Variants in RALGAPA1 observed in about 807,000 individuals in gnomAD.
RALGAPA1 encodes the protein ral GTPase-activating protein subunit alpha-1.
In RALGAPA1, 52 loss-of-function variants were observed where a neutral mutation model predicts 269.6. That is an observed-to-expected ratio of 0.19 (90% confidence interval 0.15 to 0.24). The LOEUF (loss-of-function observed/expected upper bound fraction) is 0.24. Ranked by LOEUF, RALGAPA1 falls within the 10% of genes least tolerant of loss-of-function variation. The pLI, the probability that RALGAPA1 is intolerant of heterozygous loss-of-function variation, is 1.00. For synonymous variants in RALGAPA1, 817 were observed against 1,008.3 expected (o/e 0.81, Z 3.60); for missense variants, 1,917 against 3,013.9 (o/e 0.64, Z 8.52).
intron 36 of RALGAPA1, among the ~76,000 whole-genome samples, chr14:35,599,310 A>G (rs1027096039): frequency 6.6e-6 from 1 of 152,134 alleles, no homozygotes; most frequent in Non-Finnish European, 1.5e-5. Flanking sequence ...TCCTCCTTTT[A>G]TCATTTCCTT....
rs116086419 is a variant in RALGAPA1 at position 35,726,932 on chromosome 14, G to A, written c.1736+1430C>T. Among the ~76,000 whole-genome samples the A allele has an allele frequency of 4.2e-3, 636 of 152,204 alleles. 11 individuals carry two copies. Among genetic ancestry groups the A allele is most frequent in the African/African-American group, 0.014 (600 of 41,528 alleles). ...GTTACTTAACTTCCCAGTATTATCTGTATCATAGGGTGCTGTAAGAATTAA... is the reference window on the plus strand; with the variant it reads ...GTTACTTAACTTCCCAGTATTATCTATATCATAGGGTGCTGTAAGAATTAA... On this transcript the variant is annotated intron_variant, in intron 13 of 41. Coordinates refer to ENST00000680220, the MANE Select transcript of RALGAPA1 (RefSeq NM_001346249.2).
intron 25 of RALGAPA1, 132 bp downstream of exon 25, chr14:35,672,735 T>C (rs1332813598): frequency 1.2e-6 from 1 of 819,520 alleles, no homozygotes; most frequent in South Asian, 3.2e-5. Context: ...TTGAAGTAAA[T>C]TGTATATAAA....
chr14:35,708,860 A>G (rs1179592438), intron 16 of RALGAPA1, among the ~76,000 whole-genome samples: 1 of 152,212 alleles, frequency 6.6e-6, no homozygotes, highest in East Asian at 1.9e-4. Context: ...GTCCATCAAC[A>G]CATGAACAGA....
intron 39 of RALGAPA1, among the ~76,000 whole-genome samples, chr14:35,567,532 G>A (rs1201635896): frequency 6.6e-6 from 1 of 151,932 alleles, no homozygotes; most frequent in Non-Finnish European, 1.5e-5. Flanking sequence ...CTGTGACTTG[G>A]CCAAGATCAC....
At chr14:35,626,989 T>C in intron 34 of RALGAPA1, 101 bp downstream of exon 34, 3 of 1,200,502 alleles carry the variant, frequency 2.5e-6, no homozygotes, top group South Asian at 2.3e-5. Flanking sequence ...AATTGGTAGA[T>C]AAAATTTAGT....
intron 37 of RALGAPA1, among the ~76,000 whole-genome samples, chr14:35,588,253 T>C (rs192265465): frequency 6.6e-6 from 1 of 152,336 alleles, no homozygotes; most frequent in African/African-American, 2.4e-5. Flanking sequence ...GGTGCTATCA[T>C]GCCTAAAATT....
At chr14:35,593,771 C>T (rs965765593) in intron 37 of RALGAPA1, among the ~76,000 whole-genome samples, 1 of 152,052 alleles carries the variant, frequency 6.6e-6, no homozygotes, top group Non-Finnish European at 1.5e-5. Context: ...GGGAGAATCA[C>T]TTGAGCCCAG....
chr14:35,576,361 T>C (rs907979213), intron 37 of RALGAPA1, among the ~76,000 whole-genome samples: 5 of 152,340 alleles, frequency 3.3e-5, no homozygotes, highest in African/African-American at 9.6e-5. Context: ...TACAATTGAC[T>C]GCTAGAACTA....
At position 35,688,483 on chromosome 14, in the gene RALGAPA1, C is replaced by T. The variant is rs766763174; in HGVS notation, c.3928G>A (p.Gly1310Ser). 9.8e-6 allele frequency: 15 copies of T among 1,535,982 alleles called. No individual in the cohort carries two copies. Among genetic ancestry groups the T allele is most frequent in the Admixed American group, 7.8e-5 (4 of 50,968 alleles). Residue 1310 changes from glycine (G) to serine (S), a missense_variant, in exon 18 of 42, where the codon GGC (glycine) becomes AGC (serine). Physicochemically the swap from Gly to Ser is moderately conservative, Grantham distance 56 (BLOSUM62 0). This residue lies in a region of RALGAPA1 where 615 missense variants were observed against 790.0 expected (regional missense o/e 0.78). Transcript: ENST00000680220. ...PLRDLYSHVMGYFGRKAAVNK... is the reference protein window; with the variant it reads ...PLRDLYSHVMSYFGRKAAVNK... The stretch of plus-strand genomic sequence containing the variant: ...CCTGCAGCTTTCCTTCCAAAATAGC[C>T]CATTACATGACTGTACAGATCCCTC...
At chr14:35,791,011 G>A (rs767692216) in intron 1 of RALGAPA1, among the ~76,000 whole-genome samples, 3 of 152,158 alleles carry the variant, frequency 2.0e-5, no homozygotes, top group Non-Finnish European at 4.4e-5. Flanking sequence ...AGGTACTGAA[G>A]TCCTTGATAA....
intron 36 of RALGAPA1, among the ~76,000 whole-genome samples, chr14:35,604,121 AATT>A (rs1215576321): frequency 8.5e-5 from 13 of 152,140 alleles, no homozygotes; most frequent in African/African-American, 3.1e-4. Flanking sequence ...AAATATGTAC[AATT>A]ATTATGTAGC....
chr14:35,642,851 A>T (rs1319683957), intron 31 of RALGAPA1, among the ~76,000 whole-genome samples: 1 of 152,232 alleles, frequency 6.6e-6, no homozygotes, highest in African/African-American at 2.4e-5. Flanking sequence ...CCAAAGGATT[A>T]TAAGTCATGC....
Position 35,671,468 on chromosome 14 carries a change from A to C in RALGAPA1, c.5123T>G (p.Leu1708Arg). The change falls in exon 26 of 42, where the codon CTT becomes CGT. Residue 1708 changes from leucine (L) to arginine (R), a missense_variant. Physicochemically the swap from Leu to Arg is moderately radical, Grantham distance 102. Around this residue, in one of 11 missense-constraint regions of RALGAPA1, gnomAD observed 346 missense variants for 566.1 expected, o/e 0.61. Transcript: ENST00000680220. ...IKHCSPQFFS[L>R]GLPGATMLIM... ...AAGCATTGTGGCACCAGGCAAACCA[A>C]GTGAAAAAAATTGAGGTGAGCAGTG... The C allele has an allele frequency of 6.2e-7, 1 of 1,605,162 alleles. No individual in the cohort carries two copies. The highest frequency in any genetic ancestry group is 1.1e-5 in the South Asian group (1 of 90,830).
chr14:35,680,180 T>C (rs2065298709), intron 21 of RALGAPA1, among the ~76,000 whole-genome samples: 2 of 152,192 alleles, frequency 1.3e-5, no homozygotes, highest in Admixed American at 6.5e-5. Context: ...AAAAATCGAA[T>C]TCATTTTTAA....
intron 20 of RALGAPA1, among the ~76,000 whole-genome samples, chr14:35,684,390 T>C (rs2065738748): frequency 6.6e-6 from 1 of 152,232 alleles, no homozygotes; most frequent in African/African-American, 2.4e-5. Flanking sequence ...AAGGAAGTTC[T>C]GGGTACTGTA....
At chr14:35,556,682 A>G (rs2055636340) in intron 39 of RALGAPA1, among the ~76,000 whole-genome samples, 1 of 152,210 alleles carries the variant, frequency 6.6e-6, no homozygotes, top group African/African-American at 2.4e-5. Context: ...GCTTTAATCC[A>G]TCCTTTTAAC....
At chr14:35,634,413 A>C (rs373980986) in intron 33 of RALGAPA1, among the ~76,000 whole-genome samples, 161 bp downstream of exon 33, 2 of 152,342 alleles carry the variant, frequency 1.3e-5, no homozygotes, top group Non-Finnish European at 1.5e-5. Context: ...GTGCATGTGA[A>C]GTTATTTCTT....
intron 1 of RALGAPA1, among the ~76,000 whole-genome samples, chr14:35,798,777 G>C (rs2076756502): frequency 6.6e-6 from 1 of 152,146 alleles, no homozygotes; most frequent in African/African-American, 2.4e-5. Context: ...ATCACTTGGG[G>C]CCAGGAGTTC....
intron 30 of RALGAPA1, among the ~76,000 whole-genome samples, chr14:35,652,383 T>TATATATATATATATATATATAC (rs968163110): frequency 6.0e-5 from 9 of 148,782 alleles, no homozygotes; most frequent in African/African-American, 2.0e-4. Flanking sequence ...TATATATATA[T>TATATATATATATATATATATAC]ACACACACAC....
Sources: gnomAD v4.1 joint callset for allele counts (sites outside exome capture counted in the v4.1 genomes callset) on GRCh38, gnomAD v4.1.1 for gene constraint, gnomAD v4.1.1 regional missense constraint, MANE v1.5 for transcripts, NCBI Gene and HGNC (gene_info 2026-07-23, HGNC 2026-07-21) for gene names.